CNTN4: variants seen among roughly 807,000 people sequenced by gnomAD.
CNTN4 encodes the protein contactin-4.
CNTN4 carries 77 observed loss-of-function variants against 122.5 expected under a neutral mutation model. That is an observed-to-expected ratio of 0.63 (90% confidence interval 0.52 to 0.76). The LOEUF is 0.76. Ranked by LOEUF, CNTN4 falls within the 30% of genes least tolerant of loss-of-function variation. The pLI is 0.00. For missense variants in CNTN4, 1,256 were observed against 1,259.1 expected (o/e 1.00, Z 0.04); for synonymous variants, 512 against 447.0 (o/e 1.15, Z -1.83).
At chr3:2,742,421 C>T (rs897218424) in intron 5 of CNTN4, among the ~76,000 whole-genome samples, 10 of 152,192 alleles carry the variant, frequency 6.6e-5, no homozygotes, top group Non-Finnish European at 1.2e-4. Flanking sequence ...AAGAAATGTT[C>T]ACTCACTTGG....
chr3:2,535,224 G>A (rs2077755117), intron 3 of CNTN4, among the ~76,000 whole-genome samples: 1 of 152,104 alleles, frequency 6.6e-6, no homozygotes, highest in Non-Finnish European at 1.5e-5. Flanking sequence ...TAGTCTTTAT[G>A]ACACATCCCC....
At chr3:2,575,537 A>G (rs1322798843) in intron 4 of CNTN4, among the ~76,000 whole-genome samples, 1 of 152,060 alleles carries the variant, frequency 6.6e-6, no homozygotes, top group Non-Finnish European at 1.5e-5. Flanking sequence ...GAAAGAAATG[A>G]TACCGCATAC....
At chr3:2,410,186 A>C (rs558730732) in intron 3 of CNTN4, among the ~76,000 whole-genome samples, 1 of 152,202 alleles carries the variant, frequency 6.6e-6, no homozygotes, top group Non-Finnish European at 1.5e-5. Flanking sequence ...ATCTTGGCCA[A>C]TGTAAGAAGA....
intron 4 of CNTN4, among the ~76,000 whole-genome samples, chr3:2,710,938 G>A (rs2087110377): frequency 6.6e-6 from 1 of 152,174 alleles, no homozygotes; most frequent in Admixed American, 6.5e-5. Flanking sequence ...AAGCTTCAAA[G>A]CAGAGAAGTC....
chr3:3,054,703 A>AAT (rs1258604518), intron 24 of CNTN4, among the ~76,000 whole-genome samples: 2 of 152,044 alleles, frequency 1.3e-5, no homozygotes, highest in African/African-American at 4.8e-5. Flanking sequence ...GTCAGTGGGG[A>AAT]ATGGGGGTTT....
chr3:2,618,815 G>C (rs1161207655), intron 4 of CNTN4, among the ~76,000 whole-genome samples: 5 of 152,104 alleles, frequency 3.3e-5, no homozygotes, highest in Admixed American at 3.3e-4. Flanking sequence ...TGTCTGCTCT[G>C]ACATACTTCT....
chr3:2,828,636 T>C (rs1177831558), intron 7 of CNTN4, among the ~76,000 whole-genome samples: 2 of 152,216 alleles, frequency 1.3e-5, no homozygotes. Flanking sequence ...TAAGTAGATA[T>C]CTATCTCAAT....
intron 4 of CNTN4, among the ~76,000 whole-genome samples, chr3:2,617,672 C>T (rs560247346): frequency 7.9e-5 from 12 of 151,994 alleles, no homozygotes; most frequent in South Asian, 2.1e-4. Context: ...CCGCCTGTCT[C>T]GGCCTCCCAA....
At chr3:2,527,409 A>ACGCTGCTGCTGCTGCTGC (rs1553681057) in intron 3 of CNTN4, among the ~76,000 whole-genome samples, 1 of 149,940 alleles carries the variant, frequency 6.7e-6, no homozygotes, top group Non-Finnish European at 1.5e-5. Flanking sequence ...GGAACAATGT[A>ACGCTGCTGCTGCTGCTGC]TGCTGCTGCT....
At chr3:2,204,612 A>G (rs1256617913) in intron 2 of CNTN4, among the ~76,000 whole-genome samples, 5 of 152,204 alleles carry the variant, frequency 3.3e-5, no homozygotes, top group Non-Finnish European at 7.3e-5. Context: ...CAATTAACTT[A>G]TAAATCTTTT....
chr3:3,016,099 A>T (rs1433128245), intron 14 of CNTN4, among the ~76,000 whole-genome samples: 1 of 152,188 alleles, frequency 6.6e-6, no homozygotes, highest in Non-Finnish European at 1.5e-5. Context: ...TGGGTAAAAG[A>T]TATCTGTGGT....
chr3:2,124,420 T>C (rs1051370511), intron 2 of CNTN4, among the ~76,000 whole-genome samples: 2 of 145,100 alleles, frequency 1.4e-5, no homozygotes, highest in Non-Finnish European at 3.0e-5. Flanking sequence ...TTTGTCTGCA[T>C]AGATTTATTT....
At chr3:2,628,347 CTG>C (rs1484018118) in intron 4 of CNTN4, among the ~76,000 whole-genome samples, 3 of 152,192 alleles carry the variant, frequency 2.0e-5, no homozygotes, top group East Asian at 3.9e-4. Context: ...GAGGCCGTAG[CTG>C]TGTGTGTGTG....
chr3:2,730,976 G>A (rs576986236), intron 4 of CNTN4, among the ~76,000 whole-genome samples: 9 of 151,466 alleles, frequency 5.9e-5, no homozygotes, highest in Admixed American at 1.3e-4. Context: ...AGTGACACCC[G>A]GCTGCGGAGA....
At chr3:2,969,011 A>C (rs934101402) in intron 13 of CNTN4, among the ~76,000 whole-genome samples, 1 of 152,060 alleles carries the variant, frequency 6.6e-6, no homozygotes, top group African/African-American at 2.4e-5. Context: ...CACTCATTTT[A>C]AGTGTACAAC....
intron 2 of CNTN4, among the ~76,000 whole-genome samples, chr3:2,203,675 T>C (rs2038211100): frequency 6.6e-6 from 1 of 152,012 alleles, no homozygotes. Context: ...CTAAGTCAGC[T>C]CACTACTCCA....
chr3:2,679,662 C>A (rs1296256682), intron 4 of CNTN4, among the ~76,000 whole-genome samples: 2 of 152,130 alleles, frequency 1.3e-5, no homozygotes, highest in African/African-American at 4.8e-5. Context: ...GAAGCGAGAT[C>A]CAGTGGCCAG....
intron 2 of CNTN4, among the ~76,000 whole-genome samples, chr3:2,153,903 G>T (rs1206097825): frequency 6.6e-6 from 1 of 152,030 alleles, no homozygotes; most frequent in Non-Finnish European, 1.5e-5. Flanking sequence ...TTAGCTTAAG[G>T]AACTTAAAAA....
intron 23 of CNTN4, among the ~76,000 whole-genome samples, chr3:3,051,834 A>C (rs1047224695): frequency 7.9e-5 from 12 of 152,192 alleles, no homozygotes; most frequent in African/African-American, 2.7e-4. Context: ...TTGTCTTGAG[A>C]CACAAGAGTG....
Sources: gnomAD v4.1 joint callset for allele counts (sites outside exome capture counted in the v4.1 genomes callset) on GRCh38, gnomAD v4.1.1 for gene constraint, MANE v1.5 for transcripts, NCBI Gene and HGNC (gene_info 2026-07-23, HGNC 2026-07-21) for gene names.